The following MAN2B2 variants were observed in gnomAD, a reference collection of about 807,000 sequenced individuals.
The protein encoded by MAN2B2 is mannosidase alpha class 2B member 2, also known as epididymis-specific alpha-mannosidase.
A neutral mutation model predicts 117.1 loss-of-function variants in MAN2B2; 106 were observed. The ratio of observed to expected loss-of-function variants is 0.90; its 90% CI spans 0.77 to 1.06. The LOEUF is 1.06. MAN2B2 is among the 50% of genes least tolerant of loss of function. The probability of loss-of-function intolerance (pLI) is 0.00; values close to 1 mark genes in which losing one functional copy is unlikely to be tolerated. For missense variants in MAN2B2, 1,326 were observed against 1,381.4 expected, an observed-to-expected ratio of 0.96 and a Z score of 0.64; for synonymous variants, 544 against 595.1, an observed-to-expected ratio of 0.91 and a Z score of 1.25.
chr4:6,621,219 A>T lies in MAN2B2; in HGVS notation c.2964A>T (p.Gly988=), dbSNP rs1712156370. Reference sequence around the variant, plus strand: ...CCACCTCTCCCTCGAGGCCACCAGGAGGCCCCATCATCACCGTCCACCCAA... The same window carrying T: ...CCACCTCTCCCTCGAGGCCACCAGGTGGCCCCATCATCACCGTCCACCCAA... ...GDTTSPSRPP[G]GPIITVHPKE... Residue 988 remains glycine (G), a synonymous_variant, in exon 19 of 19, where the codon GGA becomes GGT. Transcript: ENST00000285599. 2 of 1,614,016 alleles carry T rather than the reference A, an allele frequency of 1.2e-6. No individual in the cohort carries two copies. Among genetic ancestry groups the T allele is most frequent in the South Asian group, 2.2e-5 (2 of 91,076 alleles).
intron 11 of MAN2B2, among the ~76,000 whole-genome samples, chr4:6,608,571 G>A (rs1338406970): frequency 6.6e-6 from 1 of 152,234 alleles, no homozygotes; most frequent in Admixed American, 6.5e-5. Context: ...TTTGAGTTCT[G>A]GCTTGCACAC....
intron 12 of MAN2B2, 47 bp from the exon 13 acceptor site, chr4:6,609,751 T>C (rs1194706557): frequency 7.3e-7 from 1 of 1,376,266 alleles, no homozygotes; most frequent in East Asian, 3.6e-5. Flanking sequence ...AGGAAGCATC[T>C]AGAAGGTTCC....
chr4:6,604,671 G>A (rs570332669), intron 10 of MAN2B2, among the ~76,000 whole-genome samples: 16 of 152,190 alleles, frequency 1.1e-4, no homozygotes, highest in East Asian at 5.8e-4. Context: ...ACGTGGAGGC[G>A]TCAAACAAGA....
chr4:6,593,244 G>C lies in MAN2B2; in HGVS notation c.752G>C (p.Ser251Thr), dbSNP rs140896144. Residue 251 changes from serine (S) to threonine (T), a missense_variant, in exon 6 of 19, where the codon AGT becomes ACT. Coordinates refer to ENST00000285599, the MANE Select transcript of MAN2B2 (RefSeq NM_015274.3). Reference sequence around the variant, plus strand: ...CAAGATGGGGTGTACCCCAACATGAGTGAGCCTGTCACCCCAGCCAACATC... The same window carrying C: ...CAAGATGGGGTGTACCCCAACATGACTGAGCCTGTCACCCCAGCCAACATC... ...PPQDGVYPNM[S>T]EPVTPANINL... 87 of 1,613,900 alleles carry C rather than the reference G, an allele frequency of 5.4e-5. No homozygotes were observed. The highest frequency in any genetic ancestry group is 4.9e-4 in the Middle Eastern group (3 of 6,084).
chr4:6,584,550 A>G (rs1726560054), intron 3 of MAN2B2, among the ~76,000 whole-genome samples: 1 of 152,270 alleles, frequency 6.6e-6, no homozygotes, highest in South Asian at 2.1e-4. Flanking sequence ...GGAAACGTCT[A>G]TAAGGTGCTC....
intron 2 of MAN2B2, 109 bp downstream of exon 2, chr4:6,576,833 C>T (rs1436429121): frequency 7.4e-7 from 1 of 1,348,670 alleles, no homozygotes; most frequent in African/African-American, 1.4e-5. Context: ...TGGCATAAAC[C>T]ACAGGGCCAA....
intron 12 of MAN2B2, 118 bp downstream of exon 12, chr4:6,609,416 A>C (rs1336377062): frequency 1.0e-6 from 1 of 981,508 alleles, no homozygotes; most frequent in East Asian, 2.6e-5. Flanking sequence ...CGTGGTTGAC[A>C]CGTGGTCTGA....
intron 9 of MAN2B2, 41 bp from the exon 10 acceptor site, chr4:6,600,582 T>G: frequency 6.2e-7 from 1 of 1,604,594 alleles, no homozygotes; most frequent in Non-Finnish European, 8.5e-7. Context: ...TTCCAGAAGG[T>G]GAGTCACATG....
intron 3 of MAN2B2, among the ~76,000 whole-genome samples, chr4:6,584,126 G>A (rs1222935171): frequency 6.6e-6 from 1 of 152,258 alleles, no homozygotes; most frequent in African/African-American, 2.4e-5. Flanking sequence ...GAGAGGCAAT[G>A]TGATAATTGC....
At chr4:6,583,444 G>A (rs1254251142) in intron 3 of MAN2B2, among the ~76,000 whole-genome samples, 1 of 152,206 alleles carries the variant, frequency 6.6e-6, no homozygotes, top group Non-Finnish European at 1.5e-5. Flanking sequence ...AAGGAAGAAG[G>A]ACAGAATGTA....
rs1560634718 is a variant in MAN2B2 at position 6,579,222 on chromosome 4, CCACCACCATCACCACCACCACCCTT to C, written c.391+747_391+771del. Among the ~76,000 whole-genome samples, 258 of 77,762 alleles carry C rather than the reference CCACCACCATCACCACCACCACCCTT, an allele frequency of 3.3e-3. 9 individuals are homozygous for C. Among genetic ancestry groups the C allele is most frequent in the Non-Finnish European group, 5.2e-3 (182 of 35,110 alleles). 51.0% of individuals were successfully genotyped at this position (77,762 alleles called of 152,430 possible). The stretch of plus-strand genomic sequence containing the variant: ...ACCACCATCACCATCACCACCACCA[CCACCACCATCACCACCACCACCCTT>C]CACCACCATCACCACCACCACCATC... On this transcript the variant is annotated intron_variant, in intron 3 of 18. Coordinates refer to ENST00000285599, the MANE Select transcript of MAN2B2 (RefSeq NM_015274.3).
intron 3 of MAN2B2, among the ~76,000 whole-genome samples, chr4:6,579,387 CTT>C (rs1726326192): frequency 3.9e-5 from 1 of 25,786 alleles, no homozygotes. Flanking sequence ...CACCACTACC[CTT>C]CACCATCACC....
rs573012091 is a variant in MAN2B2 at position 6,592,014 on chromosome 4, G to A, written c.681-1159G>A. Among the ~76,000 whole-genome samples the A allele has an allele frequency of 1.2e-4, 19 of 152,342 alleles. No homozygotes were observed. In the South Asian group the frequency reaches 3.5e-3, roughly 28 times the overall value. On this transcript the variant is annotated intron_variant, in intron 5 of 18. Transcript: ENST00000285599. Reference sequence around the variant, plus strand: ...TCCCACAGCTGGCAGACGTGGTGGAGCCAGCGTTGGATTCAGGCCACCAGC... The same window carrying A: ...TCCCACAGCTGGCAGACGTGGTGGAACCAGCGTTGGATTCAGGCCACCAGC...
chr4:6,575,708 G>A (rs943354100), intron 1 of MAN2B2, among the ~76,000 whole-genome samples: 5 of 152,146 alleles, frequency 3.3e-5, no homozygotes, highest in African/African-American at 1.2e-4. Flanking sequence ...GGAAGGGGCC[G>A]GGCTGGTCCC....
At chr4:6,610,403 C>T (rs1241504197) in intron 13 of MAN2B2, among the ~76,000 whole-genome samples, 1 of 152,124 alleles carries the variant, frequency 6.6e-6, no homozygotes, top group African/African-American at 2.4e-5. Context: ...ATGATCCACC[C>T]GCCTCAGCCT....
chr4:6,617,723 C>T, intron 17 of MAN2B2: 1 of 668,528 alleles, frequency 1.5e-6, no homozygotes, highest in Non-Finnish European at 2.3e-6. Context: ...CTCTGTTGCC[C>T]AGTCTGGGGT....
intron 15 of MAN2B2, among the ~76,000 whole-genome samples, chr4:6,612,777 G>GCCT (rs1196035761): frequency 3.3e-5 from 5 of 152,370 alleles, no homozygotes; most frequent in African/African-American, 1.2e-4. Flanking sequence ...ATCCCACCTG[G>GCCT]CCTCACTCTG....
Position 6,611,109 on chromosome 4 carries a change from G to C in MAN2B2, c.2394G>C (p.Trp798Cys). Residue 798 changes from tryptophan to cysteine, a missense_variant, in exon 15 of 19, where the codon TGG becomes TGC. Trp to Cys is a radical substitution (Grantham distance 215). Coordinates refer to ENST00000285599, the MANE Select transcript of MAN2B2 (RefSeq NM_015274.3). ...AGGTCATGCTCCACCGGCGGCTGTG[G>C]AACAACTTCGACTGGGACCTGGGCT... ...QVEVMLHRRL[W>C]NNFDWDLGYN... 2.5e-6 allele frequency: 4 copies of C among 1,613,464 alleles called. No homozygotes were observed. Among genetic ancestry groups the C allele is most frequent in the Non-Finnish European group, 3.4e-6 (4 of 1,179,666 alleles).
chr4:6,599,235 C>T (rs937469026), intron 9 of MAN2B2, among the ~76,000 whole-genome samples: 1 of 152,144 alleles, frequency 6.6e-6, no homozygotes, highest in African/African-American at 2.4e-5. Flanking sequence ...GTAGCTGGGA[C>T]TACAGGCATG....
Sources: allele counts gnomAD v4.1 joint callset (sites outside exome capture counted in the v4.1 genomes callset), GRCh38; gene constraint gnomAD v4.1.1; transcripts MANE v1.5; gene names NCBI Gene and HGNC (gene_info 2026-07-23, HGNC 2026-07-21).